ARHGAP42: variants seen among roughly 807,000 people sequenced by gnomAD.
ARHGAP42 encodes rho GTPase-activating protein 42.
In ARHGAP42, 63 loss-of-function variants were observed where a neutral mutation model predicts 125.0. That is an observed-to-expected ratio of 0.50 (90% CI 0.41 to 0.62). The LOEUF is 0.62. Ranked by LOEUF, ARHGAP42 falls within the 20% of genes least tolerant of loss-of-function variation. The pLI is 0.00. For missense variants in ARHGAP42, 766 were observed against 1,024.2 expected, an observed-to-expected ratio of 0.75 and a Z score of 3.44; for synonymous variants, 339 against 351.0, an observed-to-expected ratio of 0.97 and a Z score of 0.38.
rs1213958617 is a variant in ARHGAP42, at chr11:100,993,929, A to G, written c.*5128A>G. On this transcript the variant is annotated 3_prime_UTR_variant, in exon 24 of 24. Coordinates refer to ENST00000298815, the MANE Select transcript of ARHGAP42 (RefSeq NM_152432.4). ...AAATTACTTTAAAAATAAACTTTGT[A>G]AGCAGATTTTAATTTAGTCTTTGTA... 6.0e-6 allele frequency: 1 copy of G among 167,058 alleles called. No individual in the cohort carries two copies. The highest frequency in any genetic ancestry group is 1.5e-5 in the Non-Finnish European group (1 of 68,112). 10.3% of individuals were successfully genotyped at this position (167,058 alleles called of 1,614,324 possible). A position where few individuals can be genotyped will look rare whatever the true frequency, so the allele number is the denominator to read the frequency against.
intron 1 of ARHGAP42, among the ~76,000 whole-genome samples, chr11:100,742,938 T>C (rs1054730761): frequency 6.6e-6 from 1 of 152,240 alleles, no homozygotes; most frequent in Non-Finnish European, 1.5e-5. Context: ...TCCATCCCTT[T>C]ACCTTGGATT....
intron 20 of ARHGAP42, 105 bp from the exon 21 acceptor site, chr11:100,976,710 T>C: frequency 1.4e-6 from 2 of 1,385,654 alleles, no homozygotes; most frequent in Non-Finnish European, 1.9e-6. Flanking sequence ...TACCTTCCCA[T>C]TTGGGCTCAG....
At chr11:100,736,939 T>C (rs1862080675) in intron 1 of ARHGAP42, among the ~76,000 whole-genome samples, 1 of 152,162 alleles carries the variant, frequency 6.6e-6, no homozygotes, top group African/African-American at 2.4e-5. Context: ...TCAGCAACAC[T>C]TTGAGCAAGC....
At chr11:100,960,759 T>TCTGATGGGTATTTC (rs1857933557) in intron 13 of ARHGAP42, among the ~76,000 whole-genome samples, 156 bp from the exon 14 acceptor site, 1 of 152,134 alleles carries the variant, frequency 6.6e-6, no homozygotes, top group Non-Finnish European at 1.5e-5. Context: ...GAAATAGAAG[T>TCTGATGGGTATTTC]CTGATGGGTA....
chr11:100,858,449 G>A (rs944701621), intron 3 of ARHGAP42, among the ~76,000 whole-genome samples: 1 of 152,032 alleles, frequency 6.6e-6, no homozygotes, highest in East Asian at 1.9e-4. Context: ...GGATGGTGGT[G>A]TCAACACTCT....
chr11:100,741,051 G>A (rs1463247088), intron 1 of ARHGAP42, among the ~76,000 whole-genome samples: 2 of 151,990 alleles, frequency 1.3e-5, no homozygotes, highest in African/African-American at 4.8e-5. Context: ...CTTTTTTTGA[G>A]ATGAAATCTC....
intron 3 of ARHGAP42, among the ~76,000 whole-genome samples, chr11:100,833,717 C>T (rs772699282): frequency 6.6e-5 from 10 of 152,090 alleles, no homozygotes; most frequent in South Asian, 2.1e-4. Context: ...CCTGACTTAT[C>T]GCCTCGTATT....
chr11:100,701,111 A>C (rs117056285), intron 1 of ARHGAP42, among the ~76,000 whole-genome samples: 49 of 151,196 alleles, frequency 3.2e-4, no homozygotes, highest in East Asian at 2.7e-3. Context: ...AACCAGGTAC[A>C]TTGTCAATGA....
At chr11:100,856,062 G>A (rs599191) in intron 3 of ARHGAP42, among the ~76,000 whole-genome samples, 141,527 of 152,080 alleles carry the variant, frequency 0.93, 65,934 homozygotes, top group East Asian at 1. Context: ...CACAGATACT[G>A]TGGGATCCTG....
intron 3 of ARHGAP42, among the ~76,000 whole-genome samples, chr11:100,824,771 T>A (rs117387764): frequency 0.017 from 2,547 of 152,316 alleles, 27 homozygotes; most frequent in Non-Finnish European, 0.026. Flanking sequence ...TAAACTTATG[T>A]CTGTGAAAGC....
intron 22 of ARHGAP42, among the ~76,000 whole-genome samples, chr11:100,985,554 C>A (rs1444340914): frequency 1.3e-5 from 2 of 152,176 alleles, no homozygotes; most frequent in East Asian, 3.9e-4. Context: ...ATGCAACCAA[C>A]ATACCCACGT....
chr11:100,982,531 A>G (rs1565306570), intron 22 of ARHGAP42, among the ~76,000 whole-genome samples: 3 of 152,210 alleles, frequency 2.0e-5, no homozygotes, highest in Non-Finnish European at 2.9e-5. Flanking sequence ...TTAACCTATA[A>G]AATCCCTTTA....
chr11:100,799,750 G>A (rs755882261), intron 3 of ARHGAP42, among the ~76,000 whole-genome samples: 12 of 152,178 alleles, frequency 7.9e-5, no homozygotes, highest in Non-Finnish European at 1.5e-4. Context: ...AGAAGAAAAT[G>A]TGTTGTAGTT....
intron 1 of ARHGAP42, among the ~76,000 whole-genome samples, chr11:100,746,185 T>G (rs918922187): frequency 3.9e-5 from 6 of 152,248 alleles, no homozygotes; most frequent in Admixed American, 1.3e-4. Context: ...GATAAGCTCT[T>G]GCAAATTCTT....
chr11:100,860,370 T>C (rs1366534246), intron 4 of ARHGAP42, among the ~76,000 whole-genome samples: 1 of 152,096 alleles, frequency 6.6e-6, no homozygotes, highest in Admixed American at 6.6e-5. Flanking sequence ...AGCCTACTAA[T>C]TGATCTCCAC....
intron 3 of ARHGAP42, among the ~76,000 whole-genome samples, chr11:100,809,974 C>G (rs1373091846): frequency 6.6e-6 from 1 of 151,764 alleles, no homozygotes; most frequent in African/African-American, 2.4e-5. Context: ...GCATAAAAAT[C>G]TAAGACTTAA....
chr11:100,747,760 T>C (rs1373697529), intron 1 of ARHGAP42, among the ~76,000 whole-genome samples: 2 of 152,232 alleles, frequency 1.3e-5, no homozygotes, highest in African/African-American at 2.4e-5. Flanking sequence ...GTTTCTTCAA[T>C]AGTTTTACAT....
chr11:100,726,636 G>A (rs186868377), intron 1 of ARHGAP42, among the ~76,000 whole-genome samples: 8 of 152,198 alleles, frequency 5.3e-5, no homozygotes, highest in Admixed American at 2.0e-4. Context: ...AGAAAGTCAT[G>A]TTATTTGGGG....
In ARHGAP42 at chr11:100,989,510, T is replaced by C. The variant is rs1283048286; in HGVS notation, c.*709T>C. The C allele has an allele frequency of 2.3e-5, 4 of 176,044 alleles. No individual in the cohort carries two copies. The East Asian group carries it at 5.6e-4, about 25-fold the overall frequency. The allele number at this position is 176,044 out of a possible 1,614,324, so 10.9% of individuals were successfully genotyped here. On this transcript the variant is annotated 3_prime_UTR_variant, in exon 24 of 24. Transcript: ENST00000298815. ...TGATAGCAAATATTTTTGTGGTGGG[T>C]TGAATTTGGCTTATGGGTTATAGTT...
Sources: allele counts gnomAD v4.1 joint callset (sites outside exome capture counted in the v4.1 genomes callset), GRCh38; gene constraint gnomAD v4.1.1; transcripts MANE v1.5; gene names NCBI Gene and HGNC (gene_info 2026-07-23, HGNC 2026-07-21).